The following CTNNA3 variants were observed in gnomAD, a reference collection of about 807,000 sequenced individuals.
CTNNA3 encodes catenin alpha-3.
A neutral mutation model predicts 95.7 loss-of-function variants in CTNNA3; 76 were observed. That is an observed-to-expected ratio of 0.79 (90% CI 0.66 to 0.96). CTNNA3 has a LOEUF of 0.96. CTNNA3 is among the 40% of genes least tolerant of loss of function. CTNNA3 has a pLI of 0.00. For synonymous variants in CTNNA3, 431 were observed against 374.4 expected (o/e 1.15, Z -1.74); for missense variants, 1,191 against 1,089.8 (o/e 1.09, Z -1.31).
intron 10 of CTNNA3, among the ~76,000 whole-genome samples, chr10:66,597,906 T>C (rs1843780994): frequency 6.6e-6 from 1 of 151,914 alleles, no homozygotes; most frequent in African/African-American, 2.4e-5. Flanking sequence ...CAAAAGAAGG[T>C]TAATTAGCAA....
chr10:66,499,356 A>C (rs1252097487), intron 11 of CTNNA3, among the ~76,000 whole-genome samples: 1 of 152,210 alleles, frequency 6.6e-6, no homozygotes, highest in Non-Finnish European at 1.5e-5. Flanking sequence ...ATAAGTAACA[A>C]ATAAAAAACT....
intron 7 of CTNNA3, among the ~76,000 whole-genome samples, chr10:66,900,764 A>C (rs1238275954): frequency 6.6e-6 from 1 of 152,178 alleles, no homozygotes; most frequent in East Asian, 1.9e-4. Flanking sequence ...GATCAAGTGG[A>C]AGAAGGGATA....
intron 3 of CTNNA3, among the ~76,000 whole-genome samples, chr10:67,572,883 T>C (rs1392383925): frequency 6.6e-6 from 1 of 151,720 alleles, no homozygotes; most frequent in East Asian, 1.9e-4. Context: ...AGTCCAGGAG[T>C]TCAAGACCAG....
intron 6 of CTNNA3, among the ~76,000 whole-genome samples, chr10:67,201,542 C>T (rs1014685651): frequency 6.6e-6 from 1 of 152,010 alleles, no homozygotes; most frequent in Non-Finnish European, 1.5e-5. Flanking sequence ...AGCTTTTAGA[C>T]ATTGCTCTTT....
intron 7 of CTNNA3, among the ~76,000 whole-genome samples, chr10:66,854,310 T>TTAA (rs5785792): frequency 5.9e-5 from 9 of 151,598 alleles, no homozygotes; most frequent in African/African-American, 1.9e-4. Context: ...AATCAAATTG[T>TTAA]TGCTTTCTTC....
rs549751404 is a variant in CTNNA3 at position 66,964,080 on chromosome 10, G to T, written c.1048-188556C>A. Among the ~76,000 whole-genome samples, 7 of 151,884 alleles carry T rather than the reference G, an allele frequency of 4.6e-5. No individual in the cohort carries two copies. In the South Asian group the frequency reaches 1.5e-3, roughly 32 times the overall value. ...TTGGCCAGGATGGTCTCGATCTTCTGACCTCGTGATCTGCCTGCCTCAGCC... is the reference window on the plus strand; with the variant it reads ...TTGGCCAGGATGGTCTCGATCTTCTTACCTCGTGATCTGCCTGCCTCAGCC... On this transcript the variant is annotated intron_variant, in intron 7 of 17. Transcript: ENST00000433211.
intron 12 of CTNNA3, among the ~76,000 whole-genome samples, chr10:66,328,217 T>A (rs2092279815): frequency 6.6e-6 from 1 of 152,134 alleles, no homozygotes; most frequent in East Asian, 1.9e-4. Context: ...TTGTATTCAA[T>A]CTTGATAAGA....
At chr10:67,142,977 C>T (rs1860652825) in intron 7 of CTNNA3, among the ~76,000 whole-genome samples, 1 of 152,020 alleles carries the variant, frequency 6.6e-6, no homozygotes, top group South Asian at 2.1e-4. Context: ...ATCATCTGAG[C>T]CTTTAGTGAG....
chr10:66,348,052 G>C (rs534660953), intron 12 of CTNNA3, among the ~76,000 whole-genome samples: 1 of 151,894 alleles, frequency 6.6e-6, no homozygotes, highest in Non-Finnish European at 1.5e-5. Flanking sequence ...GAATAACAAA[G>C]ACAAAAAACA....
intron 11 of CTNNA3, among the ~76,000 whole-genome samples, chr10:66,464,417 A>G (rs941837604): frequency 6.6e-6 from 1 of 152,030 alleles, no homozygotes; most frequent in Non-Finnish European, 1.5e-5. Context: ...TTCCTCCTCC[A>G]CAGGGAGCAA....
intron 4 of CTNNA3, among the ~76,000 whole-genome samples, chr10:67,523,034 A>T (rs1160430651): frequency 6.6e-6 from 1 of 152,168 alleles, no homozygotes; most frequent in Non-Finnish European, 1.5e-5. Context: ...CAGGGAAATG[A>T]TTTGACCCTT....
intron 6 of CTNNA3, among the ~76,000 whole-genome samples, chr10:67,194,614 T>C (rs1379848413): frequency 1.3e-5 from 2 of 151,874 alleles, no homozygotes; most frequent in Non-Finnish European, 2.9e-5. Flanking sequence ...GCAGTAAAAA[T>C]ACTCTACATG....
intron 3 of CTNNA3, among the ~76,000 whole-genome samples, chr10:67,569,928 T>G (rs532267627): frequency 3.3e-4 from 50 of 152,244 alleles, no homozygotes; most frequent in Non-Finnish European, 6.2e-4. Context: ...TACCTTTTTT[T>G]CTGTAGCATG....
At chr10:66,938,851 GCTGCGAATACAC>G (rs1847855249) in intron 7 of CTNNA3, among the ~76,000 whole-genome samples, 1 of 152,160 alleles carries the variant, frequency 6.6e-6, no homozygotes, top group African/African-American at 2.4e-5. Flanking sequence ...TTTAAGTCTA[GCTGCGAATACAC>G]CTTCATTTTT....
intron 5 of CTNNA3, among the ~76,000 whole-genome samples, chr10:67,240,978 C>T (rs1865699163): frequency 6.6e-6 from 1 of 152,090 alleles, no homozygotes; most frequent in Non-Finnish European, 1.5e-5. Flanking sequence ...TATCTGAAGC[C>T]ATCTGCCGCA....
At chr10:66,625,107 A>C (rs1428267422) in intron 9 of CTNNA3, among the ~76,000 whole-genome samples, 1 of 152,184 alleles carries the variant, frequency 6.6e-6, no homozygotes, top group Non-Finnish European at 1.5e-5. Context: ...AATAATTTAA[A>C]AACAAACAAG....
chr10:66,649,494 C>A (rs1302955676), intron 9 of CTNNA3, among the ~76,000 whole-genome samples: 2 of 152,156 alleles, frequency 1.3e-5, no homozygotes, highest in African/African-American at 4.8e-5. Flanking sequence ...CAGACAGCAG[C>A]AATACCCAAC....
intron 10 of CTNNA3, among the ~76,000 whole-genome samples, chr10:66,603,458 C>A (rs1004086286): frequency 1.3e-5 from 2 of 151,944 alleles, no homozygotes; most frequent in Non-Finnish European, 2.9e-5. Flanking sequence ...AAAATGGAAA[C>A]ATATTCTATG....
chr10:66,392,332 TG>T (rs2092940359), intron 11 of CTNNA3, among the ~76,000 whole-genome samples: 2 of 151,864 alleles, frequency 1.3e-5, no homozygotes, highest in Non-Finnish European at 2.9e-5. Context: ...CGGGAGGTTG[TG>T]GCAGAAGAAT....
Sources: gnomAD v4.1 joint callset for allele counts (sites outside exome capture counted in the v4.1 genomes callset) on GRCh38, gnomAD v4.1.1 for gene constraint, MANE v1.5 for transcripts, NCBI Gene and HGNC (gene_info 2026-07-23, HGNC 2026-07-21) for gene names.